The following HIF3A variants were observed in gnomAD, a reference collection of about 807,000 sequenced individuals.
HIF3A encodes the protein hypoxia inducible factor 3 subunit alpha, also known as hypoxia-inducible factor 3-alpha.
A neutral mutation model predicts 67.2 loss-of-function variants in HIF3A; 41 were observed. The observed-to-expected ratio is 0.61, with a 90% CI of 0.48 to 0.79. The LOEUF is 0.79. Among genes scored for constraint, HIF3A ranks in the 30% least tolerant of loss-of-function variants. HIF3A has a pLI of 0.00. For synonymous variants in HIF3A, 356 were observed against 374.8 expected (o/e 0.95, Z 0.58); for missense variants, 855 against 898.0 (o/e 0.95, Z 0.61).
chr19:46,312,840 T>C, intron 8 of HIF3A, 187 bp downstream of exon 8: 1 of 1,327,612 alleles, frequency 7.5e-7, no homozygotes, highest in Non-Finnish European at 9.6e-7. Context: ...GGTGTGTGTG[T>C]CTGCATGGAC....
chr19:46,341,672 T>G lies in HIF3A; in HGVS notation c.*2050T>G, dbSNP rs1225829587. 1.3e-5 allele frequency: 2 copies of G among 148,986 alleles called. No homozygotes were observed. Among genetic ancestry groups the G allele is most frequent in the Non-Finnish European group, 3.0e-5 (2 of 67,034 alleles). 9.2% of individuals were successfully genotyped at this position (148,986 alleles called of 1,614,324 possible). A position where few individuals can be genotyped will look rare whatever the true frequency, so the allele number is the denominator to read the frequency against. On this transcript the variant is annotated 3_prime_UTR_variant, in exon 15 of 15. Transcript: ENST00000377670. ...TTTTTTTCTTTTTTGAGATGGAGTC[T>G]CTCTCTGTTGCCCAGGCTGGAGTAT...
At chr19:46,305,812 C>G (rs1344606412) in intron 3 of HIF3A, among the ~76,000 whole-genome samples, 1 of 152,194 alleles carries the variant, frequency 6.6e-6, no homozygotes, top group East Asian at 1.9e-4. Flanking sequence ...TGCAGTGGCT[C>G]ACACCTGTAA....
At chr19:46,303,699 G>C (rs1329681738) in intron 1 of HIF3A, 199 bp from the exon 2 acceptor site, 9 of 1,578,114 alleles carry the variant, frequency 5.7e-6, no homozygotes, top group African/African-American at 4.0e-5. Context: ...TAAAATCAGG[G>C]CTAGGAAGGG....
At chr19:46,311,897 T>C (rs140454328) in intron 6 of HIF3A, among the ~76,000 whole-genome samples, 3,239 of 152,196 alleles carry the variant, frequency 0.021, 61 homozygotes, top group Non-Finnish European at 0.027. Context: ...AAACTTCTAA[T>C]GTCATCATAT....
At chr19:46,321,649 A>T in intron 9 of HIF3A, 127 bp from the exon 10 acceptor site, 1 of 826,206 alleles carries the variant, frequency 1.2e-6, no homozygotes, top group Non-Finnish European at 1.9e-6. Flanking sequence ...TTACCCTCTC[A>T]CTAAGAACAG....
rs1316711007 is a variant in HIF3A, at chr19:46,312,512, G to A, written c.884G>A (p.Ser295Asn). ...AVSKSIHTLL[S>N]KGQAVTGQYR... is the part of the protein sequence containing the mutation. ...TCCCGATCCCCCTCCTCAGTGCTGAGCAAGGGCCAGGCAGTAACAGGGCAG... is the reference window on the plus strand; with the variant it reads ...TCCCGATCCCCCTCCTCAGTGCTGAACAAGGGCCAGGCAGTAACAGGGCAG... The change falls in exon 8 of 15, where the codon AGC (serine) becomes AAC (asparagine). Residue 295 changes from serine to asparagine, a missense_variant. By Grantham distance (46) the Ser-to-Asn change is conservative. This residue lies in a region of HIF3A where 638 missense variants were observed against 660.5 expected (regional missense o/e 0.97). Coordinates refer to ENST00000377670, the MANE Select transcript of HIF3A (RefSeq NM_152795.4). 5.6e-6 allele frequency: 9 copies of A among 1,613,862 alleles called. No homozygotes were observed. Among genetic ancestry groups the A allele is most frequent in the Non-Finnish European group, 7.6e-6 (9 of 1,180,010 alleles).
rs1423159161 is a variant in HIF3A at position 46,335,103 on chromosome 19, G to A, written c.1912+117G>A. On this transcript the variant is annotated intron_variant, in intron 14 of 14. Transcript: ENST00000377670. The stretch of plus-strand genomic sequence containing the variant: ...CTGTCAGTGCTTGGAGGTGACCTTG[G>A]TGGAAACGGCAGCTCCTGTCTCTTC... The A allele has an allele frequency of 2.0e-5, 14 of 702,282 alleles. No homozygotes were observed. The South Asian group carries it at 2.5e-4, about 13-fold the overall frequency. The allele number at this position is 702,282 out of a possible 1,614,324, so 43.5% of individuals were successfully genotyped here. A position where few individuals can be genotyped will look rare whatever the true frequency, so the allele number is the denominator to read the frequency against.
rs769218297 is a variant in HIF3A at position 46,341,198 on chromosome 19, CTT to C, written c.*1594_*1595del. The C allele has an allele frequency of 2.7e-4, 36 of 135,044 alleles. No homozygotes were observed. Among genetic ancestry groups the C allele is most frequent in the African/African-American group, 4.2e-4 (15 of 36,120 alleles). 8.4% of individuals were successfully genotyped at this position (135,044 alleles called of 1,614,324 possible). A position where few individuals can be genotyped will look rare whatever the true frequency, so the allele number is the denominator to read the frequency against. On this transcript the variant is annotated 3_prime_UTR_variant, in exon 15 of 15. Coordinates refer to ENST00000377670, the MANE Select transcript of HIF3A (RefSeq NM_152795.4). Reference sequence around the variant, plus strand: ...CAAATCCAGACCTCTTAATCTCTCTCTTTTTTTTTTTTTTTTTTTGAGACAGA... The same window carrying C: ...CAAATCCAGACCTCTTAATCTCTCTCTTTTTTTTTTTTTTTTTGAGACAGA...
Position 46,340,450 on chromosome 19 carries a change from C to T in HIF3A, c.*828C>T, listed in dbSNP as rs140266257. The T allele has an allele frequency of 6.5e-6, 1 of 154,584 alleles. No individual in the cohort carries two copies. Among genetic ancestry groups the T allele is most frequent in the Non-Finnish European group, 1.4e-5 (1 of 69,716 alleles). The allele number at this position is 154,584 out of a possible 1,614,324, so 9.6% of individuals were successfully genotyped here. A position where few individuals can be genotyped will look rare whatever the true frequency, so the allele number is the denominator to read the frequency against. On this transcript the variant is annotated 3_prime_UTR_variant, in exon 15 of 15. Coordinates refer to ENST00000377670, the MANE Select transcript of HIF3A (RefSeq NM_152795.4). ...TCCAATGTGGTCTGCTTTAGATCAC[C>T]TTCTTCTTCTTCCTTCTTCCTCTTC...
chr19:46,305,306 G>A lies in HIF3A; in HGVS notation c.279G>A (p.Leu93=). 6.2e-7 allele frequency: 1 copy of A among 1,614,096 alleles called. No homozygotes were observed. The highest frequency in any genetic ancestry group is 8.5e-7 in the Non-Finnish European group (1 of 1,179,998). ...TGGATGCCTGCTACCTGAAGGCCCTGGAGGGCTTCGTCATGGTGCTCACCG... is the reference window on the plus strand; with the variant it reads ...TGGATGCCTGCTACCTGAAGGCCCTAGAGGGCTTCGTCATGGTGCTCACCG... ...EPLDACYLKA[L]EGFVMVLTAE... is the part of the protein sequence containing the mutation. The change falls in exon 3 of 15, where the codon CTG becomes CTA. Residue 93 remains leucine, a synonymous_variant. Coordinates refer to ENST00000377670, the MANE Select transcript of HIF3A (RefSeq NM_152795.4).
intron 12 of HIF3A, 116 bp downstream of exon 12, chr19:46,329,594 C>G: frequency 1.6e-6 from 2 of 1,290,064 alleles, no homozygotes; most frequent in South Asian, 3.6e-5. Context: ...CTGCTCCAGC[C>G]AGGCCCTCGG....
At chr19:46,322,058 G>C in intron 10 of HIF3A, 92 bp downstream of exon 10, 3 of 1,300,944 alleles carry the variant, frequency 2.3e-6, no homozygotes, top group Non-Finnish European at 3.2e-6. Flanking sequence ...TGTTCTCTGG[G>C]CCTCAGCTTC....
At chr19:46,338,527 C>T (rs1056176331) in intron 14 of HIF3A, 3 of 1,141,428 alleles carry the variant, frequency 2.6e-6, no homozygotes, top group African/African-American at 3.3e-5. Flanking sequence ...AATGAATAAA[C>T]TCTCATAAAT....
At chr19:46,336,573 G>A (rs901957393) in intron 14 of HIF3A, among the ~76,000 whole-genome samples, 9 of 152,070 alleles carry the variant, frequency 5.9e-5, no homozygotes, top group African/African-American at 2.2e-4. Context: ...GTTTAGTAGA[G>A]ACAGAATTTC....
chr19:46,322,596 C>T (rs770295106), intron 10 of HIF3A, among the ~76,000 whole-genome samples: 1 of 152,044 alleles, frequency 6.6e-6, no homozygotes, highest in African/African-American at 2.4e-5. Flanking sequence ...CATGCCACCA[C>T]ACCTGGTTAA....
chr19:46,330,489 GGGATGGAT>G lies in HIF3A; in HGVS notation c.1713-646_1713-639del, dbSNP rs560533077. Among the ~76,000 whole-genome samples, 225 of 151,530 alleles carry G rather than the reference GGGATGGAT, an allele frequency of 1.5e-3. 1 individual carries two copies. Among genetic ancestry groups the G allele is most frequent in the African/African-American group, 5.1e-3 (212 of 41,270 alleles). On this transcript the variant is annotated intron_variant, in intron 12 of 14. Coordinates refer to ENST00000377670, the MANE Select transcript of HIF3A (RefSeq NM_152795.4). ...TGGATGGATGAATCGGATGGATGGA[GGGATGGAT>G]GGATGGATGGATGGATGGATAGTTG...
Position 46,309,121 on chromosome 19 carries a change from A to G in HIF3A, c.562-30A>G, listed in dbSNP as rs753868443. ...GGGTGGTCTCAGGCCCAGAGGCACC[A>G]CTGCCTTGTCCCCTCATCTCGGCCC... On this transcript the variant is annotated intron_variant, in intron 5 of 14. Coordinates refer to ENST00000377670, the MANE Select transcript of HIF3A (RefSeq NM_152795.4). 12 of 1,590,082 alleles carry G rather than the reference A, an allele frequency of 7.5e-6. No homozygotes were observed. The Admixed American group carries it at 2.0e-4, about 27-fold the overall frequency.
chr19:46,320,459 G>A lies in HIF3A; in HGVS notation c.1042G>A (p.Gly348Arg), dbSNP rs531078206. Reference protein sequence around the residue: ...HFLISQVEETGVVLSLEQTEQ... With the variant: ...HFLISQVEETRVVLSLEQTEQ... ...GTACCCCAGCCAGGTGGAAGAGACC[G>A]GAGTGGTGCTGTCCCTGGAGCAAAC... Residue 348 changes from glycine to arginine, a missense_variant, in exon 9 of 15, where the codon GGA becomes AGA. Physicochemically the swap from Gly to Arg is moderately radical, Grantham distance 125 (BLOSUM62 -2). This residue lies in a region of HIF3A where 638 missense variants were observed against 660.5 expected (regional missense o/e 0.97). Coordinates refer to ENST00000377670, the MANE Select transcript of HIF3A (RefSeq NM_152795.4). The A allele has an allele frequency of 1.9e-5, 30 of 1,614,018 alleles. No homozygotes were observed. Among genetic ancestry groups the A allele is most frequent in the Middle Eastern group, 3.3e-4 (2 of 6,062 alleles).
Position 46,343,008 on chromosome 19 carries a change from G to A in HIF3A, c.*3386G>A, listed in dbSNP as rs1250507437. 6.6e-6 allele frequency: 1 copy of A among 152,648 alleles called. No individual in the cohort carries two copies. The highest frequency in any genetic ancestry group is 1.5e-5 in the Non-Finnish European group (1 of 68,108). The allele number at this position is 152,648 out of a possible 1,614,324, so 9.5% of individuals were successfully genotyped here. On this transcript the variant is annotated 3_prime_UTR_variant, in exon 15 of 15. Coordinates refer to ENST00000377670, the MANE Select transcript of HIF3A (RefSeq NM_152795.4). The stretch of plus-strand genomic sequence containing the variant: ...TCACCCCTTGGGTGGTTTGCAATCT[G>A]AAGACTTCTCCAGCCACACAGGCAC...
Sources: gnomAD v4.1 joint callset for allele counts (sites outside exome capture counted in the v4.1 genomes callset) on GRCh38, gnomAD v4.1.1 for gene constraint, gnomAD v4.1.1 regional missense constraint, MANE v1.5 for transcripts, NCBI Gene and HGNC (gene_info 2026-07-23, HGNC 2026-07-21) for gene names.